CFAP74: variants seen among roughly 807,000 people sequenced by gnomAD.
CFAP74 encodes cilia- and flagella-associated protein 74.
In CFAP74, 124 loss-of-function variants were observed where a neutral mutation model predicts 188.9. The observed-to-expected ratio is 0.66, with a 90% CI of 0.57 to 0.76. CFAP74 has a LOEUF of 0.76. Ranked by LOEUF, CFAP74 falls within the 30% of genes least tolerant of loss-of-function variation. The pLI, the probability that CFAP74 is intolerant of heterozygous loss-of-function variation, is 0.00. For missense variants in CFAP74, 2,198 were observed against 2,165.2 expected (o/e 1.02, Z -0.30); for synonymous variants, 956 against 916.7 (o/e 1.04, Z -0.77).
At chr1:2,000,053 C>T (rs978889104) in intron 1 of CFAP74, among the ~76,000 whole-genome samples, 1 of 151,354 alleles carries the variant, frequency 6.6e-6, no homozygotes, top group South Asian at 2.1e-4. Context: ...AGTCCCAGCT[C>T]CTCAGGAGGT....
At chr1:1,970,080 G>A (rs1246386306) in intron 10 of CFAP74, among the ~76,000 whole-genome samples, 4 of 152,240 alleles carry the variant, frequency 2.6e-5, no homozygotes, top group African/African-American at 7.2e-5. Context: ...AGTGGGGCCC[G>A]TGGGTGGGGG....
At chr1:1,994,588 A>C (rs1657811445) in intron 1 of CFAP74, among the ~76,000 whole-genome samples, 1 of 152,204 alleles carries the variant, frequency 6.6e-6, no homozygotes, top group Admixed American at 6.5e-5. Context: ...GAATGGCAGG[A>C]TTTTCAGAAA....
At chr1:1,931,971 C>G (rs1307535247) in intron 25 of CFAP74, among the ~76,000 whole-genome samples, 1 of 145,902 alleles carries the variant, frequency 6.9e-6, no homozygotes, top group African/African-American at 2.6e-5. Context: ...GAGGCTGAGG[C>G]AGGAGAATTG....
chr1:1,969,912 C>A (rs1325466038), intron 10 of CFAP74, among the ~76,000 whole-genome samples: 1 of 152,216 alleles, frequency 6.6e-6, no homozygotes, highest in East Asian at 1.9e-4. Flanking sequence ...AAGGGCCAGG[C>A]TCCCGGGATG....
rs773223122 is a variant in CFAP74 at position 1,923,464 on chromosome 1, G to A, written c.4425C>T (p.Ala1475=). 1.2e-6 allele frequency: 2 copies of A among 1,611,952 alleles called. No homozygotes were observed. The highest frequency in any genetic ancestry group is 8.5e-7 in the Non-Finnish European group (1 of 1,179,476). The stretch of plus-strand genomic sequence containing the variant: ...CCTCCACGAACATCATGTGCTGACA[G>A]GCGGCACCCTTCAGCAGGATCTGGT... ...ISHQILLKGA[A]CQHMMFVEGG... is the part of the protein sequence containing the mutation. Residue 1475 remains alanine, a synonymous_variant, in exon 36 of 39, where the codon GCC becomes GCT. Transcript: ENST00000682832. The surrounding 1 kb of genome is among the most constrained non-coding windows in gnomAD (Gnocchi z 6.3).
At chr1:1,965,161 C>G in intron 12 of CFAP74, 100 bp from the exon 13 acceptor site, 12 of 1,175,234 alleles carry the variant, frequency 1.0e-5, no homozygotes, top group Non-Finnish European at 1.4e-5. Context: ...AGAGCACGGA[C>G]AGCCCAGCCC....
Position 1,926,242 on chromosome 1 carries a change from G to A in CFAP74, c.3934C>T (p.His1312Tyr). The A allele has an allele frequency of 6.6e-7, 1 of 1,518,364 alleles. No individual in the cohort carries two copies. The highest frequency in any genetic ancestry group is 1.3e-5 in the South Asian group (1 of 78,306). 94.1% of individuals were successfully genotyped at this position (1,518,364 alleles called of 1,614,324 possible). Residue 1312 changes from histidine (H) to tyrosine (Y), a missense_variant, in exon 32 of 39, where the codon CAC (histidine) becomes TAC (tyrosine). By Grantham distance (83) the His-to-Tyr change is moderately conservative (BLOSUM62 2). Transcript: ENST00000682832. ...CTGGGACTCACCAGGATGCTCTCGT[G>A]GGGAGAGAAGGAAAGCACCAGGACC... The part of the protein sequence containing the change: ...TQVLVLSFSP[H>Y]ESILAQETLD...
At chr1:1,949,044 T>TTCCTCCTTCCC (rs1654024455) in intron 18 of CFAP74, among the ~76,000 whole-genome samples, 1 of 94,294 alleles carries the variant, frequency 1.1e-5, no homozygotes, top group South Asian at 4.6e-4. Flanking sequence ...CCCTCCTTCC[T>TTCCTCCTTCCC]TCCCTCCTTT....
intron 25 of CFAP74, 137 bp from the exon 26 acceptor site, chr1:1,930,473 G>T: frequency 1.2e-6 from 1 of 812,628 alleles, no homozygotes. Context: ...TGCCCAGGGG[G>T]TCACTGCGCC....
At chr1:1,998,494 G>A (rs1658030177) in intron 1 of CFAP74, among the ~76,000 whole-genome samples, 1 of 152,186 alleles carries the variant, frequency 6.6e-6, no homozygotes, top group African/African-American at 2.4e-5. Flanking sequence ...CTGAGGCAGG[G>A]ACGGGCACCT....
At position 1,926,305 on chromosome 1, in the gene CFAP74, G is replaced by T. The variant is rs893392181; in HGVS notation, c.3871C>A (p.Leu1291Met). ...GCACGCAGCAGGCTGGAGTGGTTCA[G>T]CAGGACAAAGGGGCCGTTGGGGTTC... ...LLNPNGPFVL[L>M]NHSSLLRAGG... Residue 1291 changes from leucine (L) to methionine (M), a missense_variant, in exon 32 of 39, where the codon CTG (leucine) becomes ATG (methionine). Physicochemically the swap from Leu to Met is conservative, Grantham distance 15. Coordinates refer to ENST00000682832, the MANE Select transcript of CFAP74 (RefSeq NM_001304360.2). The T allele has an allele frequency of 1.5e-5, 23 of 1,547,280 alleles. No individual in the cohort carries two copies. In the Admixed American group the frequency reaches 1.8e-4, roughly 12 times the overall value.
chr1:2,002,486 T>A (rs144693928), intron 1 of CFAP74, among the ~76,000 whole-genome samples: 1 of 151,134 alleles, frequency 6.6e-6, no homozygotes, highest in Admixed American at 6.6e-5. Flanking sequence ...TTCAAGACCA[T>A]CCTGGCCAAC....
rs539279598 is a variant in CFAP74 at position 1,968,902 on chromosome 1, T to C, written c.1047-69A>G. 9 of 1,471,288 alleles carry C rather than the reference T, an allele frequency of 6.1e-6. No individual in the cohort carries two copies. Among genetic ancestry groups the C allele is most frequent in the Admixed American group, 1.8e-5 (1 of 57,128 alleles). 91.1% of individuals were successfully genotyped at this position (1,471,288 alleles called of 1,614,324 possible). On this transcript the variant is annotated intron_variant, in intron 10 of 38. Transcript: ENST00000682832. The surrounding 1 kb of genome is among the most constrained non-coding windows in gnomAD (Gnocchi z 4.3). ...CTCCACCTTGCCCCAGATGAGACAGTGCCCGGCGGCCCCTCCCTAGCGCCC... is the reference window on the plus strand; with the variant it reads ...CTCCACCTTGCCCCAGATGAGACAGCGCCCGGCGGCCCCTCCCTAGCGCCC...
chr1:1,951,894 G>A (rs139517690), intron 18 of CFAP74, among the ~76,000 whole-genome samples: 3 of 152,134 alleles, frequency 2.0e-5, no homozygotes, highest in Non-Finnish European at 2.9e-5. Context: ...GATGCAAACC[G>A]CCTCATGCAG....
At chr1:1,940,281 C>T (rs544348226) in intron 23 of CFAP74, 35 bp downstream of exon 23, 45 of 1,471,132 alleles carry the variant, frequency 3.1e-5, no homozygotes, top group East Asian at 2.0e-4. Context: ...TACCCAGGAG[C>T]GCCCAGCATC....
At chr1:1,941,994 C>A in intron 22 of CFAP74, 34 bp downstream of exon 22, 2 of 1,451,608 alleles carry the variant, frequency 1.4e-6, no homozygotes, top group Non-Finnish European at 1.8e-6. Flanking sequence ...CCTCCCACGT[C>A]CTCCTGTCCC....
chr1:1,941,855 C>T (rs986664882), intron 22 of CFAP74, among the ~76,000 whole-genome samples, 173 bp downstream of exon 22: 8 of 152,250 alleles, frequency 5.3e-5, no homozygotes, highest in African/African-American at 1.9e-4. Flanking sequence ...AAACGGACCA[C>T]AGACCCAGCT....
intron 6 of CFAP74, 43 bp from the exon 7 acceptor site, chr1:1,974,241 C>A: frequency 1.3e-6 from 2 of 1,537,488 alleles, no homozygotes; most frequent in South Asian, 2.5e-5. Flanking sequence ...GCCCCACAGT[C>A]ATCCTGGGGT....
intron 9 of CFAP74, among the ~76,000 whole-genome samples, chr1:1,971,056 T>C (rs866119928): frequency 2.4e-4 from 31 of 129,976 alleles, no homozygotes; most frequent in African/African-American, 9.2e-4. Flanking sequence ...TGCACACACA[T>C]GCTCACACAC....
Sources: gnomAD v4.1 joint callset for allele counts (sites outside exome capture counted in the v4.1 genomes callset) on GRCh38, gnomAD v4.1.1 for gene constraint, Gnocchi (gnomAD v3.1) non-coding constraint, MANE v1.5 for transcripts, NCBI Gene and HGNC (gene_info 2026-07-23, HGNC 2026-07-21) for gene names.